The following CNTN1 variants were observed in gnomAD, a reference collection of about 807,000 sequenced individuals.
The protein encoded by CNTN1 is contactin-1.
CNTN1 carries 38 observed loss-of-function variants against 126.4 expected under a neutral mutation model. That is an observed-to-expected ratio of 0.30 (90% CI 0.23 to 0.39). The LOEUF (loss-of-function observed/expected upper bound fraction) is 0.39. Among genes scored for constraint, CNTN1 ranks in the 10% least tolerant of loss-of-function variants. The pLI, the probability that CNTN1 is intolerant of heterozygous loss-of-function variation, is 1.00. For synonymous variants in CNTN1, 413 were observed against 422.6 expected, an observed-to-expected ratio of 0.98 and a Z score of 0.28; for missense variants, 1,009 against 1,248.4, an observed-to-expected ratio of 0.81 and a Z score of 2.89.
chr12:40,998,697 A>G (rs1948280989), intron 17 of CNTN1, among the ~76,000 whole-genome samples: 2 of 152,110 alleles, frequency 1.3e-5, no homozygotes, highest in Admixed American at 1.3e-4. Flanking sequence ...AAAGTATAAT[A>G]AAAAAGAATG....
chr12:40,727,222 A>C (rs1592018137), intron 1 of CNTN1, among the ~76,000 whole-genome samples: 1 of 96,034 alleles, frequency 1.0e-5, no homozygotes, highest in African/African-American at 3.7e-5. Context: ...AGATTGGGGC[A>C]AAAAAAAATT....
chr12:40,996,289 G>A (rs939568961), intron 17 of CNTN1, among the ~76,000 whole-genome samples: 3 of 151,874 alleles, frequency 2.0e-5, no homozygotes, highest in Admixed American at 6.6e-5. Flanking sequence ...TTGTCACCAC[G>A]CCCAGCTATT....
intron 1 of CNTN1, among the ~76,000 whole-genome samples, chr12:40,698,969 A>C (rs1941527633): frequency 6.6e-6 from 1 of 152,208 alleles, no homozygotes; most frequent in Non-Finnish European, 1.5e-5. Flanking sequence ...TACTATAAAT[A>C]ACCTGTTTTC....
chr12:40,926,534 G>A (rs909211090), intron 6 of CNTN1, among the ~76,000 whole-genome samples: 4 of 152,022 alleles, frequency 2.6e-5, no homozygotes, highest in Admixed American at 1.3e-4. Flanking sequence ...CTTTGAATGC[G>A]ATTTACATTG....
intron 1 of CNTN1, among the ~76,000 whole-genome samples, chr12:40,819,014 T>C (rs1941351518): frequency 1.3e-5 from 2 of 152,164 alleles, no homozygotes; most frequent in Non-Finnish European, 2.9e-5. Flanking sequence ...CCTGCAGATA[T>C]GATTCAAGGA....
intron 1 of CNTN1, among the ~76,000 whole-genome samples, chr12:40,707,488 A>G (rs1040046344): frequency 4.0e-5 from 6 of 151,798 alleles, no homozygotes; most frequent in Admixed American, 1.3e-4. Flanking sequence ...TCCTGACCTC[A>G]TGATCTGCCC....
At chr12:40,734,362 C>G (rs950375300) in intron 1 of CNTN1, among the ~76,000 whole-genome samples, 3 of 152,076 alleles carry the variant, frequency 2.0e-5, no homozygotes, top group African/African-American at 7.2e-5. Context: ...TAAGATCAAA[C>G]TAATGGTAAG....
chr12:40,877,288 T>G lies in CNTN1; in HGVS notation c.-76-31069T>G, dbSNP rs1383889394. Among the ~76,000 whole-genome samples the G allele has an allele frequency of 5.3e-5, 8 of 152,186 alleles. No individual in the cohort carries two copies. The East Asian group carries it at 1.5e-3, about 29-fold the overall frequency. On this transcript the variant is annotated intron_variant, in intron 1 of 23. Coordinates refer to ENST00000551295, the MANE Select transcript of CNTN1 (RefSeq NM_001843.4). ...TGAATTGCATTTAATAACTTCCAGG[T>G]TAAAACCCCAAATGGTAGAATCAAA...
At chr12:40,925,585 A>G (rs1470562198) in intron 6 of CNTN1, among the ~76,000 whole-genome samples, 1 of 144,742 alleles carries the variant, frequency 6.9e-6, no homozygotes, top group African/African-American at 2.5e-5. Context: ...ATACGTATAT[A>G]TACATGTATA....
At chr12:40,845,344 A>G (rs572914006) in intron 1 of CNTN1, among the ~76,000 whole-genome samples, 141 of 152,350 alleles carry the variant, frequency 9.3e-4, no homozygotes, top group Non-Finnish European at 1.3e-3. Context: ...AAAAACTAAG[A>G]ACATAATATT....
intron 23 of CNTN1, among the ~76,000 whole-genome samples, chr12:41,044,168 A>T (rs926114815): frequency 1.5e-4 from 23 of 151,880 alleles, no homozygotes; most frequent in South Asian, 6.2e-4. Flanking sequence ...AATAAATAAA[A>T]AAATAAAATA....
intron 15 of CNTN1, chr12:40,972,212 T>G (rs1947536805): frequency 1.0e-6 from 1 of 985,268 alleles, no homozygotes; most frequent in South Asian, 4.7e-5. Flanking sequence ...TTAATTTTAT[T>G]GACTCCTGCC....
At chr12:41,039,493 G>C (rs1566194883) in intron 23 of CNTN1, among the ~76,000 whole-genome samples, 2 of 152,140 alleles carry the variant, frequency 1.3e-5, no homozygotes, top group Non-Finnish European at 2.9e-5. Flanking sequence ...TATTAAAACA[G>C]AATCATCTAC....
At chr12:40,971,527 C>T (rs1196606922) in intron 15 of CNTN1, 1 of 1,594,416 alleles carries the variant, frequency 6.3e-7, no homozygotes, top group South Asian at 1.1e-5. Flanking sequence ...TTGACACTCA[C>T]CATTTCTGTG....
At chr12:40,904,307 C>G (rs890188576) in intron 1 of CNTN1, among the ~76,000 whole-genome samples, 24 of 151,728 alleles carry the variant, frequency 1.6e-4, no homozygotes, top group African/African-American at 4.1e-4. Flanking sequence ...GTGAGCCACC[C>G]CGCCCAGCCC....
intron 1 of CNTN1, among the ~76,000 whole-genome samples, chr12:40,735,865 T>C (rs907143825): frequency 2.0e-5 from 3 of 152,016 alleles, no homozygotes; most frequent in Non-Finnish European, 4.4e-5. Flanking sequence ...AAACAACATG[T>C]TTGAGCTGGC....
At position 40,959,218 on chromosome 12, in the gene CNTN1, T is replaced by A; in HGVS notation, c.1788T>A (p.Ala596=). Residue 596 remains alanine (A), a synonymous_variant, in exon 15 of 24, where the codon GCT becomes GCA. Coordinates refer to ENST00000551295, the MANE Select transcript of CNTN1 (RefSeq NM_001843.4). ...TTGTGGACAATTCTTCAGCTTCAGC[T>A]GACCTTGTAGTGAGAGGTAAGAGTT... The part of the protein sequence containing the change: ...QTIVDNSSAS[A]DLVVRGPPGP... 1 of 1,612,688 alleles carries A rather than the reference T, an allele frequency of 6.2e-7. No homozygotes were observed. Among genetic ancestry groups the A allele is most frequent in the Non-Finnish European group, 8.5e-7 (1 of 1,179,080 alleles).
At chr12:40,750,169 T>C (rs1938350567) in intron 1 of CNTN1, among the ~76,000 whole-genome samples, 1 of 152,014 alleles carries the variant, frequency 6.6e-6, no homozygotes, top group Non-Finnish European at 1.5e-5. Context: ...GGACAGTAAC[T>C]GGATGAGGAT....
chr12:40,942,125 G>A (rs944515676), intron 12 of CNTN1, among the ~76,000 whole-genome samples: 2 of 152,016 alleles, frequency 1.3e-5, no homozygotes, highest in East Asian at 1.9e-4. Context: ...TGTGCTTCTT[G>A]AAAAATAATT....
Sources: gnomAD v4.1 joint callset for allele counts (sites outside exome capture counted in the v4.1 genomes callset) on GRCh38, gnomAD v4.1.1 for gene constraint, MANE v1.5 for transcripts, NCBI Gene and HGNC (gene_info 2026-07-23, HGNC 2026-07-21) for gene names.